The following MORC3 variants were observed in gnomAD, a reference collection of about 807,000 sequenced individuals.
MORC3 encodes MORC family CW-type zinc finger protein 3.
MORC3 carries 31 observed loss-of-function variants against 109.1 expected under a neutral mutation model. The ratio of observed to expected loss-of-function variants is 0.28; its 90% CI spans 0.21 to 0.38. The LOEUF (loss-of-function observed/expected upper bound fraction) is 0.38, where lower values mean the gene tolerates loss of function less well. Among genes scored for constraint, MORC3 ranks in the 10% least tolerant of loss-of-function variants. MORC3 has a pLI of 1.00. For missense variants in MORC3, 867 were observed against 1,135.8 expected, an observed-to-expected ratio of 0.76 and a Z score of 3.40; for synonymous variants, 395 against 380.7, an observed-to-expected ratio of 1.04 and a Z score of -0.44.
chr21:36,355,607 CTTTGTGGCATTT>C (rs939383752), intron 9 of MORC3, among the ~76,000 whole-genome samples: 1 of 152,018 alleles, frequency 6.6e-6, no homozygotes, highest in Non-Finnish European at 1.5e-5. Flanking sequence ...AATAAGTGTT[CTTTGTGGCATTT>C]TTTCCCAGAA....
At chr21:36,324,178 A>G (rs1008518224) in intron 1 of MORC3, among the ~76,000 whole-genome samples, 4 of 150,782 alleles carry the variant, frequency 2.7e-5, no homozygotes, top group Non-Finnish European at 4.4e-5. Context: ...CCCGGCCACC[A>G]TAGTTTTAAT....
chr21:36,353,600 G>A lies in MORC3; in HGVS notation c.1104-3020G>A, dbSNP rs2085601150. ...TACTATTTTATTTATTTTTTTCTGAGATGGAGTCTTGCTCTGTCATCCAGT... is the reference window on the plus strand; with the variant it reads ...TACTATTTTATTTATTTTTTTCTGAAATGGAGTCTTGCTCTGTCATCCAGT... On this transcript the variant is annotated intron_variant, in intron 9 of 16. Coordinates refer to ENST00000400485, the MANE Select transcript of MORC3 (RefSeq NM_015358.3). Among the ~76,000 whole-genome samples the A allele has an allele frequency of 2.0e-5, 3 of 151,474 alleles. No individual in the cohort carries two copies. The South Asian group carries it at 6.3e-4, about 32-fold the overall frequency.
At position 36,375,295 on chromosome 21, in the gene MORC3, A is replaced by G; in HGVS notation, c.2819A>G (p.Ter940=). The G allele has an allele frequency of 6.2e-7, 1 of 1,608,604 alleles. No homozygotes were observed. The highest frequency in any genetic ancestry group is 8.5e-7 in the Non-Finnish European group (1 of 1,176,074). The change falls in exon 17 of 17, where the codon TAA becomes TGA. Residue 940 remains the stop codon, a stop_retained_variant. Transcript: ENST00000400485. ...VEQMSEISST[*] ...CAAATGAGTGAAATCAGTAGTACTTAAAGTATATGTTATGTAAGATAAAAT... is the reference window on the plus strand; with the variant it reads ...CAAATGAGTGAAATCAGTAGTACTTGAAGTATATGTTATGTAAGATAAAAT...
At chr21:36,362,252 T>C (rs745448550) in intron 13 of MORC3, 24 bp downstream of exon 13, 4 of 1,594,926 alleles carry the variant, frequency 2.5e-6, no homozygotes, top group Admixed American at 3.5e-5. Flanking sequence ...CTTTTTTTTT[T>C]TTTTTTTTAA....
intron 9 of MORC3, among the ~76,000 whole-genome samples, chr21:36,356,002 A>G (rs146553373): frequency 2.8e-4 from 43 of 152,184 alleles, no homozygotes; most frequent in Non-Finnish European, 5.4e-4. Flanking sequence ...TTTTTACTGC[A>G]ATATAAAATT....
At chr21:36,356,859 A>G (rs1159973545) in intron 10 of MORC3, 135 bp downstream of exon 10, 1 of 504,648 alleles carries the variant, frequency 2.0e-6, no homozygotes, top group Non-Finnish European at 3.6e-6. Context: ...GAATTAGCGC[A>G]CTGCAAAATC....
intron 1 of MORC3, among the ~76,000 whole-genome samples, chr21:36,321,574 G>A (rs796644287): frequency 3.3e-5 from 5 of 150,292 alleles, no homozygotes; most frequent in African/African-American, 1.2e-4. Flanking sequence ...ACCACTGAGT[G>A]TAAACATTAA....
At position 36,350,190 on chromosome 21, in the gene MORC3, C is replaced by T. The variant is rs557772097; in HGVS notation, c.1103+782C>T. 9.7e-4 allele frequency among the ~76,000 whole-genome samples: 147 copies of T among 151,940 alleles called. No homozygotes were observed. The Middle Eastern group carries it at 0.027, about 28-fold the overall frequency. On this transcript the variant is annotated intron_variant, in intron 9 of 16. Coordinates refer to ENST00000400485, the MANE Select transcript of MORC3 (RefSeq NM_015358.3). ...GGTGTGGTGGCATGTGTCTGTGGTC[C>T]CAGCTACTCAGGAGGCTGAGGCAGG...
At chr21:36,326,552 C>G (rs1045894283) in intron 1 of MORC3, among the ~76,000 whole-genome samples, 1 of 152,102 alleles carries the variant, frequency 6.6e-6, no homozygotes. Context: ...TTATTTCTTA[C>G]TGTGCCTTAT....
rs765383708 is a variant in MORC3, at chr21:36,320,259, C to T, written c.-6C>T. On this transcript the variant is annotated 5_prime_UTR_variant, in exon 1 of 17. Transcript: ENST00000400485. The stretch of plus-strand genomic sequence containing the variant: ...AGGCCGTTCCTGGCTTTGTAGCTCG[C>T]TCAAGATGGCGGCGCAGCCACCCCG... The T allele has an allele frequency of 2.5e-6, 4 of 1,581,460 alleles. No individual in the cohort carries two copies. Among genetic ancestry groups the T allele is most frequent in the East Asian group, 2.4e-5 (1 of 42,296 alleles).
chr21:36,364,882 T>C (rs2085761321), intron 14 of MORC3, among the ~76,000 whole-genome samples: 1 of 151,656 alleles, frequency 6.6e-6, no homozygotes, highest in Admixed American at 6.6e-5. Flanking sequence ...TGAAACCCCG[T>C]CTCTACTAAA....
At chr21:36,335,260 T>C (rs1054587341) in intron 2 of MORC3, among the ~76,000 whole-genome samples, 9 of 152,098 alleles carry the variant, frequency 5.9e-5, no homozygotes, top group Admixed American at 5.9e-4. Flanking sequence ...TTTAGAATCT[T>C]TATCAAGGAA....
intron 14 of MORC3, among the ~76,000 whole-genome samples, chr21:36,366,028 G>A (rs1386841325): frequency 6.6e-6 from 1 of 152,148 alleles, no homozygotes; most frequent in Non-Finnish European, 1.5e-5. Context: ...AGAGATTAAA[G>A]GTATTTTTAA....
At chr21:36,356,871 GTGAATAGAA>G in intron 10 of MORC3, 147 bp downstream of exon 10, 1 of 493,954 alleles carries the variant, frequency 2.0e-6, no homozygotes, top group East Asian at 3.6e-5. Flanking sequence ...TGCAAAATCA[GTGAATAGAA>G]TGTAAACCTG....
chr21:36,350,534 C>A (rs1482325066), intron 9 of MORC3, among the ~76,000 whole-genome samples: 3 of 116,588 alleles, frequency 2.6e-5, no homozygotes, highest in African/African-American at 3.5e-5. Flanking sequence ...ACAGAAGACA[C>A]CCTGCCTCAA....
At chr21:36,338,647 A>G (rs2085400592) in intron 4 of MORC3, 127 bp from the exon 5 acceptor site, 1 of 919,174 alleles carries the variant, frequency 1.1e-6, no homozygotes, top group African/African-American at 1.7e-5. Flanking sequence ...ACCCTATCTC[A>G]CAAAAAAAAA....
At chr21:36,373,693 A>G (rs2085897347) in intron 16 of MORC3, among the ~76,000 whole-genome samples, 2 of 152,206 alleles carry the variant, frequency 1.3e-5, no homozygotes, top group Non-Finnish European at 2.9e-5. Context: ...TTACCATAAA[A>G]GCTCACAAAA....
At position 36,341,415 on chromosome 21, in the gene MORC3, G is replaced by T; in HGVS notation, c.625G>T (p.Glu209Ter). 6.3e-7 allele frequency: 1 copy of T among 1,599,290 alleles called. No homozygotes were observed. The highest frequency in any genetic ancestry group is 8.5e-7 in the Non-Finnish European group (1 of 1,176,782). ...WNLRSYKNAT[E>*]FDFEKDKYDI... ...TTTTTACAGCTACAAAAATGCAACAGAGTTCGATTTTGAAAAGGATAAATA... is the reference window on the plus strand; with the variant it reads ...TTTTTACAGCTACAAAAATGCAACATAGTTCGATTTTGAAAAGGATAAATA... Residue 209 changes from glutamate to a stop codon, truncating the protein, a stop_gained, in exon 6 of 17, where the codon GAG becomes TAG. Transcript: ENST00000400485. LOFTEE classifies it high-confidence loss of function.
chr21:36,369,808 G>T lies in MORC3; in HGVS notation c.2440G>T (p.Val814Leu). 6.2e-7 allele frequency: 1 copy of T among 1,614,140 alleles called. No individual in the cohort carries two copies. Among genetic ancestry groups the T allele is most frequent in the South Asian group, 1.1e-5 (1 of 91,080 alleles). ...ESKSEMDEMAVQLDDVFRQLD... is the reference protein window; with the variant it reads ...ESKSEMDEMALQLDDVFRQLD... Reference sequence around the variant, plus strand: ...TAAAAGTGAAATGGATGAGATGGCTGTGCAGCTTGACGATGTGTTTAGACA... The same window carrying T: ...TAAAAGTGAAATGGATGAGATGGCTTTGCAGCTTGACGATGTGTTTAGACA... The change falls in exon 15 of 17, where the codon GTG becomes TTG. Residue 814 changes from valine to leucine, a missense_variant. Around this residue, in one of 7 missense-constraint regions of MORC3, gnomAD observed 486 missense variants for 502.1 expected, o/e 0.97. Transcript: ENST00000400485.
Sources: allele counts gnomAD v4.1 joint callset (sites outside exome capture counted in the v4.1 genomes callset), GRCh38; gene constraint gnomAD v4.1.1; regional missense constraint gnomAD v4.1.1; transcripts MANE v1.5; gene names NCBI Gene and HGNC (gene_info 2026-07-23, HGNC 2026-07-21).